The following ANKRD17 variants were observed in gnomAD, a reference collection of about 807,000 sequenced individuals.
ANKRD17 encodes ankyrin repeat domain 17.
In ANKRD17, 19 loss-of-function variants were observed where a neutral mutation model predicts 229.7. The ratio of observed to expected loss-of-function variants is 0.08; its 90% CI spans 0.06 to 0.12. The LOEUF (loss-of-function observed/expected upper bound fraction) is 0.12, where lower values mean the gene tolerates loss of function less well. ANKRD17 is among the 10% of genes least tolerant of loss of function. The pLI is 1.00. For missense variants in ANKRD17, 2,176 were observed against 3,176.8 expected, an observed-to-expected ratio of 0.68 and a Z score of 7.57; for synonymous variants, 1,112 against 1,146.1, an observed-to-expected ratio of 0.97 and a Z score of 0.60.
intron 6 of ANKRD17, among the ~76,000 whole-genome samples, chr4:73,153,049 A>G (rs1376557522): frequency 6.6e-6 from 1 of 152,208 alleles, no homozygotes; most frequent in Non-Finnish European, 1.5e-5. Flanking sequence ...AAACAACACC[A>G]GGGCCAGAAC....
rs1013081034 is a variant in ANKRD17 at position 73,156,012 on chromosome 4, T to C, written c.852+7A>G. The C allele has an allele frequency of 1.2e-5, 19 of 1,571,986 alleles. No homozygotes were observed. Among genetic ancestry groups the C allele is most frequent in the Non-Finnish European group, 1.2e-5 (14 of 1,166,420 alleles). ...CAACAAATAAGCTTTATTTTGATAA[T>C]ACGAACCTGTGCAAGCTCATAGTAT... On this transcript the variant is annotated splice_region_variant and intron_variant, in intron 4 of 33. Transcript: ENST00000358602.
chr4:73,086,916 AAAAATATATATATATATATATAT>A (rs1171778676), intron 29 of ANKRD17, among the ~76,000 whole-genome samples: 23 of 43,674 alleles, frequency 5.3e-4, no homozygotes, highest in African/African-American at 2.0e-3. Flanking sequence ...AAAAAAAAAA[AAAAATATATATATATATATATAT>A]ATATATATAT....
chr4:73,091,827 G>A lies in ANKRD17; in HGVS notation c.5801C>T (p.Pro1934Leu), dbSNP rs369428716. 2 of 1,614,054 alleles carry A rather than the reference G, an allele frequency of 1.2e-6. No homozygotes were observed. Among genetic ancestry groups the A allele is most frequent in the African/African-American group, 2.7e-5 (2 of 74,914 alleles). ...CTTAGGCGAGTTAGTAGCTCTGGCA[G>A]GGCTCAAAGGCCTGACAGGAAACGG... ...WGPFPVRPLS[P>L]ARATNSPKPH... Residue 1934 changes from proline to leucine, a missense_variant, in exon 29 of 34, where the codon CCT becomes CTT. By Grantham distance (98) the Pro-to-Leu change is moderately conservative. This residue lies in a region of ANKRD17 where 142 missense variants were observed against 200.4 expected (regional missense o/e 0.71). Coordinates refer to ENST00000358602, the MANE Select transcript of ANKRD17 (RefSeq NM_032217.5).
Position 73,090,931 on chromosome 4 carries a change from A to T in ANKRD17, c.6697T>A (p.Ser2233Thr), listed in dbSNP as rs143238078. 1.2e-6 allele frequency: 2 copies of T among 1,614,240 alleles called. No homozygotes were observed. The highest frequency in any genetic ancestry group is 2.7e-5 in the African/African-American group (2 of 75,056). ...TLSTQSACQN[S>T]VHPANKPIAP... ...ATAGGCTTATTTGCTGGATGTACTGAATTCTGACAAGCACTTTGTGTACTT... is the reference window on the plus strand; with the variant it reads ...ATAGGCTTATTTGCTGGATGTACTGTATTCTGACAAGCACTTTGTGTACTT... The change falls in exon 29 of 34, where the codon TCA becomes ACA. Residue 2233 changes from serine to threonine, a missense_variant. By Grantham distance (58) the Ser-to-Thr change is moderately conservative. Transcript: ENST00000358602.
intron 1 of ANKRD17, among the ~76,000 whole-genome samples, chr4:73,192,537 C>T (rs1018113500): frequency 5.3e-5 from 8 of 151,858 alleles, no homozygotes; most frequent in Non-Finnish European, 1.2e-4. Flanking sequence ...TTACTCCATA[C>T]CCTTCTATAT....
chr4:73,243,705 G>A (rs1744242271), intron 1 of ANKRD17, among the ~76,000 whole-genome samples: 1 of 152,080 alleles, frequency 6.6e-6, no homozygotes, highest in African/African-American at 2.4e-5. Flanking sequence ...CCTTCTTTTA[G>A]CAAAAGACTA....
In ANKRD17 at chr4:73,098,426, A is replaced by G; in HGVS notation, c.4668T>C (p.Gly1556=). The G allele has an allele frequency of 6.2e-7, 1 of 1,614,020 alleles. No individual in the cohort carries two copies. Among genetic ancestry groups the G allele is most frequent in the Non-Finnish European group, 8.5e-7 (1 of 1,179,992 alleles). Residue 1556 remains glycine, a synonymous_variant, in exon 26 of 34, where the codon GGT becomes GGC. Coordinates refer to ENST00000358602, the MANE Select transcript of ANKRD17 (RefSeq NM_032217.5). ...TTGTAGTTATGGTATTATTTCTTTTACCATGAGAACCTGCCAAAGTTGTCC... is the reference window on the plus strand; with the variant it reads ...TTGTAGTTATGGTATTATTTCTTTTGCCATGAGAACCTGCCAAAGTTGTCC... The part of the protein sequence containing the change: ...ATWTTLAGSH[G]KRNNTITTTS...
intron 24 of ANKRD17, among the ~76,000 whole-genome samples, chr4:73,112,229 C>T (rs972378698): frequency 1.3e-5 from 2 of 152,152 alleles, no homozygotes; most frequent in Admixed American, 6.5e-5. Context: ...ACATTTCTAA[C>T]TTCAGTTATC....
intron 21 of ANKRD17, among the ~76,000 whole-genome samples, chr4:73,119,714 T>A (rs1256589161): frequency 1.3e-5 from 2 of 152,206 alleles, no homozygotes; most frequent in Non-Finnish European, 2.9e-5. Flanking sequence ...AGGCAACTTC[T>A]ACGTGACTGA....
chr4:73,249,577 C>T (rs1250935597), intron 1 of ANKRD17, among the ~76,000 whole-genome samples: 3 of 152,220 alleles, frequency 2.0e-5, no homozygotes, highest in Non-Finnish European at 2.9e-5. Context: ...GTAAAATCGG[C>T]CGGGTGCTGT....
At chr4:73,171,178 G>GGAGGGAGAGA in intron 2 of ANKRD17, among the ~76,000 whole-genome samples, 1 of 104,446 alleles carries the variant, frequency 9.6e-6, no homozygotes, top group South Asian at 3.9e-4. Flanking sequence ...CTCAGAGGGG[G>GGAGGGAGAGA]GAGAGAGAGA....
chr4:73,211,589 G>C lies in ANKRD17; in HGVS notation c.394-34056C>G, dbSNP rs1038901683. Among the ~76,000 whole-genome samples the C allele has an allele frequency of 2.6e-5, 4 of 152,144 alleles. No individual in the cohort carries two copies. In the East Asian group the frequency reaches 7.7e-4, roughly 29 times the overall value. ...CGGCCAGGTGTGGTGGCTCATGCCT[G>C]TAATCTCAGCACTTTGGGAGGCCGA... On this transcript the variant is annotated intron_variant, in intron 1 of 33. Coordinates refer to ENST00000358602, the MANE Select transcript of ANKRD17 (RefSeq NM_032217.5).
At chr4:73,135,410 T>G in intron 15 of ANKRD17, 145 bp from the exon 16 acceptor site, 1 of 671,834 alleles carries the variant, frequency 1.5e-6, no homozygotes, top group Non-Finnish European at 2.3e-6. Flanking sequence ...ATTTTCCTGG[T>G]TATTATTCAC....
At position 73,074,007 on chromosome 4, in the gene ANKRD17, A is replaced by G. The variant is rs552908137; in HGVS notation, c.*2224T>C. On this transcript the variant is annotated 3_prime_UTR_variant, in exon 34 of 34. Coordinates refer to ENST00000358602, the MANE Select transcript of ANKRD17 (RefSeq NM_032217.5). ...TGGGTTTTTTTATTGTTCAAATAAA[A>G]GTGCACTGCATTACATCTGAAATAT... The G allele has an allele frequency of 6.6e-6, 1 of 152,168 alleles. No individual in the cohort carries two copies. The highest frequency in any genetic ancestry group is 2.4e-5 in the African/African-American group (1 of 41,570). 9.4% of individuals were successfully genotyped at this position (152,168 alleles called of 1,614,324 possible).
chr4:73,213,654 T>C (rs1740620518), intron 1 of ANKRD17, among the ~76,000 whole-genome samples: 1 of 152,212 alleles, frequency 6.6e-6, no homozygotes, highest in Non-Finnish European at 1.5e-5. Flanking sequence ...CCAAAGCTAA[T>C]ATCAAAAATA....
chr4:73,251,016 C>T (rs896750019), intron 1 of ANKRD17, among the ~76,000 whole-genome samples: 2 of 152,088 alleles, frequency 1.3e-5, no homozygotes, highest in Non-Finnish European at 2.9e-5. Flanking sequence ...CGCCTATAAT[C>T]CCACAGCATT....
intron 1 of ANKRD17, among the ~76,000 whole-genome samples, chr4:73,216,416 C>T (rs991122915): frequency 2.6e-5 from 4 of 151,894 alleles, no homozygotes; most frequent in Non-Finnish European, 5.9e-5. Context: ...AAAAAGAGAC[C>T]TAAGACCAAA....
At chr4:73,196,005 T>TC (rs1314487557) in intron 1 of ANKRD17, among the ~76,000 whole-genome samples, 1 of 128,746 alleles carries the variant, frequency 7.8e-6, no homozygotes, top group African/African-American at 3.0e-5. Flanking sequence ...ACCATGTTTC[T>TC]TTTTTTTTTT....
intron 15 of ANKRD17, among the ~76,000 whole-genome samples, chr4:73,137,840 T>A (rs1729107532): frequency 6.6e-6 from 1 of 152,168 alleles, no homozygotes; most frequent in African/African-American, 2.4e-5. Flanking sequence ...TGTTTTTGTT[T>A]CATGTATGAA....
Sources: gnomAD v4.1 joint callset for allele counts (sites outside exome capture counted in the v4.1 genomes callset) on GRCh38, gnomAD v4.1.1 for gene constraint, gnomAD v4.1.1 regional missense constraint, MANE v1.5 for transcripts, NCBI Gene and HGNC (gene_info 2026-07-23, HGNC 2026-07-21) for gene names.